Variants in PAFAH1B1 observed in about 807,000 individuals in gnomAD.
PAFAH1B1 encodes the protein platelet-activating factor acetylhydrolase IB subunit beta.
In PAFAH1B1, 2 loss-of-function variants were observed where a neutral mutation model predicts 57.5. The observed-to-expected ratio is 0.03, with a 90% CI of 0.01 to 0.11. PAFAH1B1 has a LOEUF of 0.11. PAFAH1B1 is among the 10% of genes least tolerant of loss of function. The pLI, the probability that PAFAH1B1 is intolerant of heterozygous loss-of-function variation, is 1.00. For missense variants in PAFAH1B1, 257 were observed against 512.0 expected, an observed-to-expected ratio of 0.50 and a Z score of 4.81; for synonymous variants, 152 against 169.6, an observed-to-expected ratio of 0.90 and a Z score of 0.81.
intron 1 of PAFAH1B1, among the ~76,000 whole-genome samples, chr17:2,617,021 C>T (rs2068352373): frequency 6.6e-6 from 1 of 151,912 alleles, no homozygotes; most frequent in African/African-American, 2.4e-5. Flanking sequence ...TGCAGTGAGC[C>T]GAGATCGCAC....
intron 2 of PAFAH1B1, among the ~76,000 whole-genome samples, chr17:2,657,008 G>A (rs1036163607): frequency 4.6e-5 from 7 of 151,964 alleles, no homozygotes; most frequent in African/African-American, 4.8e-5. Context: ...TGCAAGCTGC[G>A]CCTCTCAGGT....
At chr17:2,620,716 G>T (rs1054537765) in intron 1 of PAFAH1B1, among the ~76,000 whole-genome samples, 9 of 152,040 alleles carry the variant, frequency 5.9e-5, no homozygotes, top group Non-Finnish European at 8.8e-5. Context: ...ACAAAAATTA[G>T]CTGGGTATGG....
intron 2 of PAFAH1B1, among the ~76,000 whole-genome samples, chr17:2,650,958 G>GA (rs758384149): frequency 5.9e-5 from 9 of 152,120 alleles, no homozygotes; most frequent in Non-Finnish European, 8.8e-5. Context: ...TCTTTTCCTT[G>GA]ATACTACCTT....
intron 1 of PAFAH1B1, among the ~76,000 whole-genome samples, chr17:2,630,504 A>G (rs992905669): frequency 2.6e-5 from 4 of 152,106 alleles, no homozygotes; most frequent in Non-Finnish European, 5.9e-5. Context: ...GTTTTCCTTT[A>G]TAGGTTACCT....
chr17:2,685,309 T>TA lies in PAFAH1B1; in HGVS notation c.*3508dup, dbSNP rs2069458269. 6.6e-6 allele frequency: 1 copy of TA among 152,638 alleles called. No individual in the cohort carries two copies. 9.5% of individuals were successfully genotyped at this position (152,638 alleles called of 1,614,324 possible). Reference sequence around the variant, plus strand: ...TCCCTAAAGCTCACTCTGAAGATGTTAGAGACAAACACAAACTCTTCGAGT... The same window carrying TA: ...TCCCTAAAGCTCACTCTGAAGATGTTAAGAGACAAACACAAACTCTTCGAGT... On this transcript the variant is annotated 3_prime_UTR_variant, in exon 11 of 11. Coordinates refer to ENST00000397195, the MANE Select transcript of PAFAH1B1 (RefSeq NM_000430.4).
chr17:2,650,488 G>A (rs2068833358), intron 2 of PAFAH1B1, among the ~76,000 whole-genome samples: 1 of 150,910 alleles, frequency 6.6e-6, no homozygotes, highest in African/African-American at 2.4e-5. Flanking sequence ...CTCCAGCCTG[G>A]GTGACAGAGC....
chr17:2,622,370 A>G (rs1226932012), intron 1 of PAFAH1B1, among the ~76,000 whole-genome samples: 9 of 152,172 alleles, frequency 5.9e-5, no homozygotes, highest in African/African-American at 1.9e-4. Context: ...CCTAGATACA[A>G]TGGGGGTATA....
intron 1 of PAFAH1B1, chr17:2,613,725 C>G: frequency 3.4e-6 from 1 of 297,094 alleles, no homozygotes; most frequent in Non-Finnish European, 6.8e-6. Context: ...TCCTCAAGGG[C>G]TGGGGCCTCC....
intron 8 of PAFAH1B1, among the ~76,000 whole-genome samples, chr17:2,676,148 C>T (rs552813756): frequency 1.3e-5 from 2 of 152,196 alleles, no homozygotes; most frequent in Admixed American, 6.5e-5. Flanking sequence ...CCGAGGTGGG[C>T]CGATCGATCA....
intron 2 of PAFAH1B1, among the ~76,000 whole-genome samples, chr17:2,653,651 A>G (rs771433768): frequency 3.9e-5 from 6 of 152,180 alleles, no homozygotes; most frequent in Non-Finnish European, 5.9e-5. Context: ...TTGTTAATAT[A>G]GGGCAACAAA....
intron 1 of PAFAH1B1, among the ~76,000 whole-genome samples, chr17:2,604,773 C>T (rs995150294): frequency 6.6e-6 from 1 of 151,968 alleles, no homozygotes. Flanking sequence ...GCGGCCACTG[C>T]ACTCCAGACT....
At chr17:2,667,554 C>T (rs886546175) in intron 5 of PAFAH1B1, 1 of 299,028 alleles carries the variant, frequency 3.3e-6, no homozygotes, top group Non-Finnish European at 6.5e-6. Flanking sequence ...GAGTTGATGT[C>T]AGTACATCAC....
chr17:2,608,305 C>T (rs1391215899), intron 1 of PAFAH1B1, among the ~76,000 whole-genome samples: 2 of 152,058 alleles, frequency 1.3e-5, no homozygotes, highest in Non-Finnish European at 2.9e-5. Flanking sequence ...AGGCTGGTCT[C>T]GAACTCCTGA....
intron 2 of PAFAH1B1, among the ~76,000 whole-genome samples, chr17:2,658,002 CT>C (rs1257349707): frequency 1.3e-5 from 2 of 152,132 alleles, no homozygotes; most frequent in Non-Finnish European, 2.9e-5. Context: ...CTGACTTTGC[CT>C]TATGAGTTTT....
At chr17:2,638,469 TA>T in intron 2 of PAFAH1B1, 149 bp downstream of exon 2, 1 of 681,196 alleles carries the variant, frequency 1.5e-6, no homozygotes, top group South Asian at 1.7e-5. Context: ...GGTCTGATTT[TA>T]AAACAGTCTT....
chr17:2,610,542 A>G (rs1474180108), intron 1 of PAFAH1B1, among the ~76,000 whole-genome samples: 2 of 152,206 alleles, frequency 1.3e-5, no homozygotes, highest in African/African-American at 4.8e-5. Flanking sequence ...GAAGTGTCCA[A>G]TATTTTGACT....
chr17:2,657,082 T>G (rs566329673), intron 2 of PAFAH1B1, among the ~76,000 whole-genome samples: 6 of 152,302 alleles, frequency 3.9e-5, no homozygotes, highest in Admixed American at 2.6e-4. Context: ...GATTATAGCA[T>G]CTTTGCCTTG....
chr17:2,656,131 G>A (rs1165342703), intron 2 of PAFAH1B1, among the ~76,000 whole-genome samples: 1 of 152,016 alleles, frequency 6.6e-6, no homozygotes, highest in Non-Finnish European at 1.5e-5. Flanking sequence ...TCACTATGTT[G>A]GCCAGGCTGG....
At chr17:2,623,312 C>T (rs1413608374) in intron 1 of PAFAH1B1, among the ~76,000 whole-genome samples, 5 of 141,040 alleles carry the variant, frequency 3.5e-5, no homozygotes, top group East Asian at 4.1e-4. Context: ...CTCTGTCGCC[C>T]GGGCTGGAGT....
Sources: gnomAD v4.1 joint callset for allele counts (sites outside exome capture counted in the v4.1 genomes callset) on GRCh38, gnomAD v4.1.1 for gene constraint, MANE v1.5 for transcripts, NCBI Gene and HGNC (gene_info 2026-07-23, HGNC 2026-07-21) for gene names.